Variants in NHSL1 observed in about 807,000 individuals in gnomAD.
NHSL1 encodes the protein NHS like 1.
A neutral mutation model predicts 95.0 loss-of-function variants in NHSL1; 48 were observed. The ratio of observed to expected loss-of-function variants is 0.51; its 90% CI spans 0.40 to 0.64. The LOEUF (loss-of-function observed/expected upper bound fraction) is 0.64. Among genes scored for constraint, NHSL1 ranks in the 30% least tolerant of loss-of-function variants. The pLI, the probability that NHSL1 is intolerant of heterozygous loss-of-function variation, is 0.00. For missense variants in NHSL1, 1,971 were observed against 2,077.7 expected (o/e 0.95, Z 1.00); for synonymous variants, 783 against 833.9 (o/e 0.94, Z 1.05).
Position 138,553,231 on chromosome 6 carries a change from G to A in NHSL1, c.202+18479C>T, listed in dbSNP as rs28593160. On this transcript the variant is annotated intron_variant, in intron 1 of 6. Transcript: ENST00000427025. ...AAGTGACCCCCTTGGTAAGCTCTGC[G>A]TCATATTCCATAGGGTCTTGTACCT... Among the ~76,000 whole-genome samples, 780 of 152,258 alleles carry A rather than the reference G, an allele frequency of 5.1e-3. 4 individuals are homozygous for A. The highest frequency in any genetic ancestry group is 0.018 in the African/African-American group (738 of 41,538).
chr6:138,515,812 G>A (rs1781435422), intron 1 of NHSL1, among the ~76,000 whole-genome samples: 1 of 152,206 alleles, frequency 6.6e-6, no homozygotes, highest in Non-Finnish European at 1.5e-5. Flanking sequence ...GGATGGGTAG[G>A]TAAACGTTTG....
intron 2 of NHSL1, among the ~76,000 whole-genome samples, chr6:138,490,152 T>A (rs1050531035): frequency 6.6e-6 from 1 of 151,524 alleles, no homozygotes; most frequent in African/African-American, 2.4e-5. Context: ...TATGTCATAT[T>A]TTTTTTTAAA....
At chr6:138,486,996 G>A (rs1046004443) in intron 2 of NHSL1, among the ~76,000 whole-genome samples, 1 of 152,222 alleles carries the variant, frequency 6.6e-6, no homozygotes, top group Non-Finnish European at 1.5e-5. Context: ...ACAGGAGTTG[G>A]CCAGGTGTGA....
intron 2 of NHSL1, among the ~76,000 whole-genome samples, chr6:138,491,044 T>G (rs550700870): frequency 2.6e-5 from 4 of 152,308 alleles, no homozygotes; most frequent in Admixed American, 2.6e-4. Flanking sequence ...CTCCTATCCT[T>G]TCAGGTATAA....
upstream of NHSL1, among the ~76,000 whole-genome samples, chr6:138,549,244 G>A (rs768144209): frequency 2.0e-5 from 3 of 152,168 alleles, no homozygotes; most frequent in Non-Finnish European, 2.9e-5. Context: ...TTAGCCAGGC[G>A]TAGTGGCGCA....
intron 1 of NHSL1, among the ~76,000 whole-genome samples, chr6:138,562,247 T>C (rs975875195): frequency 2.0e-5 from 3 of 152,220 alleles, no homozygotes; most frequent in African/African-American, 7.2e-5. Flanking sequence ...AGACTACCCA[T>C]AGTTCACAAC....
At chr6:138,551,154 C>T (rs953290779) in intron 1 of NHSL1, among the ~76,000 whole-genome samples, 18 of 152,138 alleles carry the variant, frequency 1.2e-4, no homozygotes, top group Non-Finnish European at 2.2e-4. Flanking sequence ...GTGCCTAATT[C>T]ATAAACTATC....
At chr6:138,454,191 G>A (rs182000453) in intron 3 of NHSL1, among the ~76,000 whole-genome samples, 10 of 115,674 alleles carry the variant, frequency 8.6e-5, no homozygotes, top group Admixed American at 2.6e-4. Flanking sequence ...ATATGTGTGC[G>A]TGTGTGTGTG....
Position 138,537,009 on chromosome 6 carries a change from CA to C in NHSL1, c.16+8613del, listed in dbSNP as rs538588124. On this transcript the variant is annotated intron_variant, in intron 1 of 4. Transcript: ENST00000342260. ...ATTCCCAATTCCTCAGTACAGCAGT[CA>C]ACCTAAAATAAGGACATTTCCACCT... Among the ~76,000 whole-genome samples, 265 of 152,304 alleles carry C rather than the reference CA, an allele frequency of 1.7e-3. 2 individuals are homozygous for C. Among genetic ancestry groups the C allele is most frequent in the African/African-American group, 6.2e-3 (258 of 41,574 alleles).
In NHSL1 at chr6:138,545,550, T is replaced by TA. The variant is rs1341156237; in HGVS notation, c.16+72dup. The TA allele has an allele frequency of 6.4e-6, 7 of 1,098,576 alleles. No homozygotes were observed. The South Asian group carries it at 6.5e-5, about 10-fold the overall frequency. The allele number at this position is 1,098,576 out of a possible 1,614,324, so 68.1% of individuals were successfully genotyped here. On this transcript the variant is annotated intron_variant, in intron 1 of 4. Transcript: ENST00000342260. ...TTTTACTGGAATCAGCTCTGTGATT[T>TA]AGACTCTGATGCTAAATGACAATCT...
intron 1 of NHSL1, among the ~76,000 whole-genome samples, chr6:138,527,000 C>T (rs1781931920): frequency 6.6e-6 from 1 of 152,162 alleles, no homozygotes; most frequent in Non-Finnish European, 1.5e-5. Flanking sequence ...CTTAAAGATA[C>T]ACTTCAGAAC....
intron 3 of NHSL1, among the ~76,000 whole-genome samples, chr6:138,453,510 G>A (rs965014692): frequency 4.0e-5 from 6 of 151,358 alleles, no homozygotes. Flanking sequence ...GTGCATCAGC[G>A]TCCCTGGCTA....
chr6:138,464,131 C>A, intron 3 of NHSL1: 1 of 552,642 alleles, frequency 1.8e-6, no homozygotes. Flanking sequence ...CTATCTGGTC[C>A]TCGATCTCAC....
intron 2 of NHSL1, among the ~76,000 whole-genome samples, chr6:138,481,491 C>G (rs1779414795): frequency 2.0e-5 from 3 of 152,120 alleles, no homozygotes. Context: ...AATAAACAAA[C>G]TAGAACATAA....
intron 1 of NHSL1, among the ~76,000 whole-genome samples, chr6:138,658,221 C>A (rs1199146605): frequency 6.6e-6 from 1 of 152,158 alleles, no homozygotes; most frequent in Non-Finnish European, 1.5e-5. Flanking sequence ...GATATACATT[C>A]TGAGATGATT....
intron 1 of NHSL1, among the ~76,000 whole-genome samples, chr6:138,671,481 G>A (rs927171958): frequency 6.6e-6 from 1 of 151,666 alleles, no homozygotes; most frequent in Non-Finnish European, 1.5e-5. Context: ...CAGAGGCAGG[G>A]CTCCACCAAA....
Position 138,670,814 on chromosome 6 carries a change from C to T in NHSL1, c.96+21662G>A, listed in dbSNP as rs141772495. Among the ~76,000 whole-genome samples, 643 of 151,908 alleles carry T rather than the reference C, an allele frequency of 4.2e-3. 4 individuals carry two copies. Among genetic ancestry groups the T allele is most frequent in the African/African-American group, 0.015 (618 of 41,418 alleles). ...CTCTTGCAAATGAAAAACCTGATAG[C>T]AAAAATGAAAAGCTCAGTAGAAGGA... is the stretch of plus-strand genomic sequence containing the variant. On this transcript the variant is annotated intron_variant, in intron 1 of 3. Coordinates refer to the NHSL1 transcript ENST00000491526.
intron 3 of NHSL1, among the ~76,000 whole-genome samples, chr6:138,452,205 T>C (rs1777282503): frequency 6.6e-6 from 1 of 152,180 alleles, no homozygotes; most frequent in Non-Finnish European, 1.5e-5. Context: ...TTGTTTCATT[T>C]AGAAAGGGAG....
chr6:138,547,746 T>C (rs1782857421), upstream of NHSL1, among the ~76,000 whole-genome samples: 1 of 152,190 alleles, frequency 6.6e-6, no homozygotes, highest in East Asian at 1.9e-4. Context: ...GTGTAAACCA[T>C]GAGGTGATTG....
Sources: allele counts gnomAD v4.1 joint callset (sites outside exome capture counted in the v4.1 genomes callset), GRCh38; gene constraint gnomAD v4.1.1; transcripts MANE v1.5; gene names NCBI Gene and HGNC (gene_info 2026-07-23, HGNC 2026-07-21).